The following ADAMTSL1 variants were observed in gnomAD, a reference collection of about 807,000 sequenced individuals.
The protein encoded by ADAMTSL1 is ADAMTS like 1.
A neutral mutation model predicts 201.8 loss-of-function variants in ADAMTSL1; 126 were observed. That is an observed-to-expected ratio of 0.62 (90% CI 0.54 to 0.72). ADAMTSL1 has a LOEUF of 0.72. Among genes scored for constraint, ADAMTSL1 ranks in the 30% least tolerant of loss-of-function variants. The probability of loss-of-function intolerance (pLI) is 0.00; values close to 1 mark genes in which losing one functional copy is unlikely to be tolerated. For missense variants in ADAMTSL1, 2,679 were observed against 2,277.8 expected (o/e 1.18, Z -3.59); for synonymous variants, 1,121 against 903.4 (o/e 1.24, Z -4.32).
chr9:18,287,081 ATGGGTCAAC>A (rs1162520591), intron 2 of ADAMTSL1, among the ~76,000 whole-genome samples: 4 of 152,174 alleles, frequency 2.6e-5, no homozygotes, highest in African/African-American at 9.7e-5. Flanking sequence ...TATGTCTGCC[ATGGGTCAAC>A]TGTGGTTGTA....
At chr9:18,752,788 G>C (rs540876855) in intron 15 of ADAMTSL1, among the ~76,000 whole-genome samples, 22 of 152,328 alleles carry the variant, frequency 1.4e-4, no homozygotes, top group Admixed American at 6.5e-4. Context: ...ACGTAAGACA[G>C]AGACGTTTCT....
intron 2 of ADAMTSL1, among the ~76,000 whole-genome samples, chr9:18,341,505 A>G (rs1835462605): frequency 6.6e-6 from 1 of 152,148 alleles, no homozygotes; most frequent in Non-Finnish European, 1.5e-5. Flanking sequence ...TCCTCCATAA[A>G]TAAATGTCCT....
chr9:17,943,428 G>T (rs563029782), intron 1 of ADAMTSL1, among the ~76,000 whole-genome samples: 1 of 151,982 alleles, frequency 6.6e-6, no homozygotes. Flanking sequence ...TCACCTTATC[G>T]CAGGTCAAGG....
rs1830289904 is a variant in ADAMTSL1 at position 18,906,001 on chromosome 9, G to T, written c.4961+110G>T. 51 of 949,190 alleles carry T rather than the reference G, an allele frequency of 5.4e-5. 1 individual carries two copies. The South Asian group carries it at 9.0e-4, about 17-fold the overall frequency. 58.8% of individuals were successfully genotyped at this position (949,190 alleles called of 1,614,324 possible). A position where few individuals can be genotyped will look rare whatever the true frequency, so the allele number is the denominator to read the frequency against. On this transcript the variant is annotated intron_variant, in intron 27 of 28. Coordinates refer to ENST00000380548, the MANE Select transcript of ADAMTSL1 (RefSeq NM_001040272.6). ...CTAACTTACCACAGTCCCAAGCCCT[G>T]CCTGGGACTCCATCTCCATTCACCG...
chr9:17,925,422 A>G (rs1393572826), intron 1 of ADAMTSL1, among the ~76,000 whole-genome samples: 2 of 104,694 alleles, frequency 1.9e-5, no homozygotes, highest in African/African-American at 6.4e-5. Flanking sequence ...TTATTGCGGC[A>G]TTATTCACAA....
At chr9:18,484,574 G>C (rs577316507) in intron 1 of ADAMTSL1, among the ~76,000 whole-genome samples, 74 of 152,182 alleles carry the variant, frequency 4.9e-4, no homozygotes, top group South Asian at 2.5e-3. Flanking sequence ...TCAATCTAGA[G>C]CTATGCTAAA....
intron 1 of ADAMTSL1, among the ~76,000 whole-genome samples, chr9:17,940,400 C>G (rs1472420858): frequency 6.6e-6 from 1 of 152,002 alleles, no homozygotes; most frequent in Non-Finnish European, 1.5e-5. Context: ...AATTCAGTAA[C>G]TGATTGAATT....
At chr9:18,226,015 AT>A (rs1278979958) in intron 2 of ADAMTSL1, among the ~76,000 whole-genome samples, 1 of 152,066 alleles carries the variant, frequency 6.6e-6, no homozygotes, top group Non-Finnish European at 1.5e-5. Context: ...AAAGTTTTAT[AT>A]TTAATAGGAA....
rs1006955249 is a variant in ADAMTSL1, at chr9:18,383,084, C to A, written c.208-121745C>A. On this transcript the variant is annotated intron_variant, in intron 2 of 29. Coordinates refer to the ADAMTSL1 transcript ENST00000680146. ...GATCCATTTCTGGCCCAACCATGTA[C>A]ATACCATCCCTTTGAGAGTTTCTGA... is the stretch of plus-strand genomic sequence containing the variant. Among the ~76,000 whole-genome samples, 6 of 152,162 alleles carry A rather than the reference C, an allele frequency of 3.9e-5. No individual in the cohort carries two copies. The East Asian group carries it at 1.2e-3, about 29-fold the overall frequency.
intron 1 of ADAMTSL1, among the ~76,000 whole-genome samples, chr9:18,139,814 T>C (rs1826321326): frequency 6.6e-6 from 1 of 152,076 alleles, no homozygotes; most frequent in African/African-American, 2.4e-5. Context: ...AAATTTCAAA[T>C]ATATATCTTG....
intron 4 of ADAMTSL1, among the ~76,000 whole-genome samples, chr9:18,588,861 T>G (rs1823698829): frequency 1.1e-5 from 1 of 93,222 alleles, no homozygotes; most frequent in Admixed American, 1.0e-4. Context: ...TTACTATAGC[T>G]TTGTGCCATA....
intron 2 of ADAMTSL1, among the ~76,000 whole-genome samples, chr9:18,262,894 T>C (rs1464237664): frequency 6.6e-6 from 1 of 152,210 alleles, no homozygotes; most frequent in Non-Finnish European, 1.5e-5. Flanking sequence ...TCATTTGAAC[T>C]AGTTGAGAGC....
chr9:17,974,560 C>G (rs1177931798), intron 1 of ADAMTSL1, among the ~76,000 whole-genome samples: 1 of 151,998 alleles, frequency 6.6e-6, no homozygotes, highest in Non-Finnish European at 1.5e-5. Context: ...CCATTCTGCT[C>G]TCTGCCTCTA....
intron 2 of ADAMTSL1, among the ~76,000 whole-genome samples, chr9:18,206,957 G>A (rs1396760649): frequency 1.3e-5 from 2 of 152,046 alleles, no homozygotes; most frequent in African/African-American, 2.4e-5. Context: ...CTGAGGTCAG[G>A]AGTTTGAGAT....
intron 1 of ADAMTSL1, among the ~76,000 whole-genome samples, chr9:18,019,340 A>C (rs1173260435): frequency 6.6e-6 from 1 of 152,066 alleles, no homozygotes; most frequent in African/African-American, 2.4e-5. Flanking sequence ...ATAAATAACA[A>C]ATGATACTAA....
intron 2 of ADAMTSL1, among the ~76,000 whole-genome samples, chr9:18,381,838 C>G (rs536550723): frequency 1.3e-5 from 2 of 151,944 alleles, no homozygotes; most frequent in South Asian, 4.2e-4. Context: ...ATCTCACCGT[C>G]ATCAGTAAGG....
In ADAMTSL1 at chr9:18,597,137, CT is replaced by C. The variant is rs572135828; in HGVS notation, c.474+22872del. 3.9e-5 allele frequency among the ~76,000 whole-genome samples: 6 copies of C among 152,310 alleles called. 1 individual carries two copies. In the South Asian group the frequency reaches 8.3e-4, roughly 21 times the overall value. On this transcript the variant is annotated intron_variant, in intron 4 of 28. Transcript: ENST00000380548. ...TGGAGCAACGAGTCAATAAATCTCT[CT>C]GTTGGCTATTTTTGTCTCTTGATGA... is the stretch of plus-strand genomic sequence containing the variant.
At chr9:18,415,474 A>C (rs1818633868) in intron 2 of ADAMTSL1, among the ~76,000 whole-genome samples, 1 of 152,180 alleles carries the variant, frequency 6.6e-6, no homozygotes, top group African/African-American at 2.4e-5. Flanking sequence ...GTCAACTAAA[A>C]GATATACTAA....
chr9:18,029,995 C>T (rs1820875360), intron 1 of ADAMTSL1, among the ~76,000 whole-genome samples: 1 of 151,992 alleles, frequency 6.6e-6, no homozygotes, highest in Non-Finnish European at 1.5e-5. Context: ...GTGGCGATTC[C>T]TCAGGGATCT....
Sources: allele counts gnomAD v4.1 joint callset (sites outside exome capture counted in the v4.1 genomes callset), GRCh38; gene constraint gnomAD v4.1.1; transcripts MANE v1.5; gene names NCBI Gene and HGNC (gene_info 2026-07-23, HGNC 2026-07-21).